The following PPP1R12B variants were observed in gnomAD, a reference collection of about 807,000 sequenced individuals.
The protein encoded by PPP1R12B is myosin phosphatase target subunit 2.
Under a neutral mutation model 126.1 loss-of-function variants are expected in PPP1R12B, and 76 were observed. The ratio of observed to expected loss-of-function variants is 0.60; its 90% CI spans 0.50 to 0.73. The LOEUF is 0.73. Ranked by LOEUF, PPP1R12B falls within the 30% of genes least tolerant of loss-of-function variation. The pLI is 0.00. For missense variants in PPP1R12B, 1,052 were observed against 1,205.1 expected, an observed-to-expected ratio of 0.87 and a Z score of 1.88; for synonymous variants, 356 against 434.7, an observed-to-expected ratio of 0.82 and a Z score of 2.25.
chr1:202,491,450 G>GT (rs893031181), intron 14 of PPP1R12B, among the ~76,000 whole-genome samples: 8 of 151,878 alleles, frequency 5.3e-5, no homozygotes, highest in South Asian at 2.1e-4. Context: ...TGCCCAGCCT[G>GT]TTTTTTTTGG....
At chr1:202,518,665 G>A (rs1285601003) in intron 18 of PPP1R12B, among the ~76,000 whole-genome samples, 1 of 152,210 alleles carries the variant, frequency 6.6e-6, no homozygotes, top group Non-Finnish European at 1.5e-5. Flanking sequence ...TCTGTGATGA[G>A]ACTAAATGTG....
Position 202,356,123 on chromosome 1 carries a change from G to A in PPP1R12B, c.291+6981G>A, listed in dbSNP as rs144075086. Among the ~76,000 whole-genome samples, 580 of 152,284 alleles carry A rather than the reference G, an allele frequency of 3.8e-3. 7 individuals are homozygous for A. Among genetic ancestry groups the A allele is most frequent in the African/African-American group, 0.013 (557 of 41,556 alleles). On this transcript the variant is annotated intron_variant, in intron 1 of 23. Transcript: ENST00000608999. The stretch of plus-strand genomic sequence containing the variant: ...TTGAGCCCAGGAGGTTGAAGCTGCA[G>A]TGAGCTGTGTTCACACCACTGCACT...
intron 19 of PPP1R12B, among the ~76,000 whole-genome samples, chr1:202,559,456 A>G (rs1687298706): frequency 6.6e-6 from 1 of 152,178 alleles, no homozygotes; most frequent in African/African-American, 2.4e-5. Flanking sequence ...CTGTTTTGCA[A>G]TTGCTGAAAA....
intron 1 of PPP1R12B, among the ~76,000 whole-genome samples, chr1:202,377,052 T>C (rs940334881): frequency 2.0e-5 from 3 of 152,202 alleles, no homozygotes; most frequent in African/African-American, 7.2e-5. Context: ...TCTTCCAATG[T>C]GGCCCAAGGA....
intron 1 of PPP1R12B, among the ~76,000 whole-genome samples, chr1:202,366,663 T>C (rs191125828): frequency 1.3e-5 from 2 of 152,264 alleles, no homozygotes; most frequent in African/African-American, 4.8e-5. Flanking sequence ...AATTATGTTT[T>C]ATTTAGGAAC....
intron 1 of PPP1R12B, among the ~76,000 whole-genome samples, chr1:202,394,176 A>G (rs1664560394): frequency 6.6e-6 from 1 of 152,016 alleles, no homozygotes; most frequent in African/African-American, 2.4e-5. Context: ...ATCTCTACTA[A>G]AAATACAAAA....
At position 202,377,832 on chromosome 1, in the gene PPP1R12B, G is replaced by GTTT. The variant is rs74860606; in HGVS notation, c.291+28715_291+28717dup. Among the ~76,000 whole-genome samples, 418 of 97,256 alleles carry GTTT rather than the reference G, an allele frequency of 4.3e-3. 103 individuals carry two copies. The highest frequency in any genetic ancestry group is 0.015 in the African/African-American group (299 of 20,130). The allele number at this position is 97,256 out of a possible 152,430, so 63.8% of individuals were successfully genotyped here. A position where few individuals can be genotyped will look rare whatever the true frequency, so the allele number is the denominator to read the frequency against. ...GGAGAAAGAAAGGTCAAAGACAGGT[G>GTTT]TTTTTTTTTTTTTTTTTTTTTTTTT... is the stretch of plus-strand genomic sequence containing the variant. On this transcript the variant is annotated intron_variant, in intron 1 of 23. Transcript: ENST00000608999.
Position 202,524,740 on chromosome 1 carries a change from A to G in PPP1R12B, c.2490+27918A>G, listed in dbSNP as rs772357915. On this transcript the variant is annotated intron_variant, in intron 18 of 23. Coordinates refer to ENST00000608999, the MANE Select transcript of PPP1R12B (RefSeq NM_002481.4). Reference sequence around the variant, plus strand: ...GTAGTATTCCATGTTGTGTGTATATATATACCACAATTTCTTTATCCACTC... The same window carrying G: ...GTAGTATTCCATGTTGTGTGTATATGTATACCACAATTTCTTTATCCACTC... Among the ~76,000 whole-genome samples, 11 of 152,162 alleles carry G rather than the reference A, an allele frequency of 7.2e-5. 1 individual carries two copies. Among genetic ancestry groups the G allele is most frequent in the Non-Finnish European group, 1.5e-4 (10 of 68,026 alleles).
chr1:202,392,648 A>G (rs903805966), intron 1 of PPP1R12B, among the ~76,000 whole-genome samples: 1 of 151,690 alleles, frequency 6.6e-6, no homozygotes, highest in Non-Finnish European at 1.5e-5. Context: ...CAGACTCCCA[A>G]GTAGCTGGGA....
intron 18 of PPP1R12B, among the ~76,000 whole-genome samples, chr1:202,498,935 C>T (rs1008751868): frequency 6.6e-6 from 1 of 152,122 alleles, no homozygotes; most frequent in African/African-American, 2.4e-5. Flanking sequence ...TTACCTAGTC[C>T]ACTCCTTGAG....
chr1:202,512,673 A>C (rs1293275164), intron 18 of PPP1R12B, among the ~76,000 whole-genome samples: 12 of 152,194 alleles, frequency 7.9e-5, no homozygotes, highest in Non-Finnish European at 1.5e-4. Context: ...AAATTTTTAA[A>C]TAAATAAAGG....
At chr1:202,395,130 A>AG (rs1192791732) in intron 1 of PPP1R12B, among the ~76,000 whole-genome samples, 3 of 151,498 alleles carry the variant, frequency 2.0e-5, no homozygotes, top group Non-Finnish European at 4.4e-5. Context: ...AAAAAAAAAA[A>AG]AAAAGAAAGA....
chr1:202,357,071 C>T (rs1657244088), intron 1 of PPP1R12B, among the ~76,000 whole-genome samples: 1 of 152,176 alleles, frequency 6.6e-6, no homozygotes. Flanking sequence ...ATCCACCCGC[C>T]TTGGCCTCCC....
intron 18 of PPP1R12B, among the ~76,000 whole-genome samples, chr1:202,500,611 A>C (rs2148870665): frequency 6.6e-6 from 1 of 152,312 alleles, no homozygotes; most frequent in Middle Eastern, 3.4e-3. Flanking sequence ...GAGGTTGGTT[A>C]ACAGATATAA....
At chr1:202,390,775 A>G (rs776132540) in intron 1 of PPP1R12B, among the ~76,000 whole-genome samples, 6 of 151,896 alleles carry the variant, frequency 4.0e-5, no homozygotes, top group Non-Finnish European at 7.4e-5. Flanking sequence ...GATTATGGGC[A>G]TGAGCCACCA....
intron 2 of PPP1R12B, among the ~76,000 whole-genome samples, chr1:202,420,821 G>A (rs1668640368): frequency 6.6e-6 from 1 of 152,146 alleles, no homozygotes; most frequent in Non-Finnish European, 1.5e-5. Flanking sequence ...AAGGTGAATT[G>A]TGAAGGCTTT....
chr1:202,416,988 G>T, intron 2 of PPP1R12B, 71 bp downstream of exon 2: 1 of 1,460,228 alleles, frequency 6.8e-7, no homozygotes, highest in South Asian at 1.5e-5. Context: ...TCTATTCTTA[G>T]GAATTTGAAT....
intron 18 of PPP1R12B, among the ~76,000 whole-genome samples, chr1:202,519,281 TTGAGA>T: frequency 6.6e-6 from 1 of 152,288 alleles, no homozygotes; most frequent in East Asian, 1.9e-4. Context: ...TCTTTTTCTT[TTGAGA>T]CGGGGTCTCA....
chr1:202,382,085 AT>A (rs1662376411), intron 1 of PPP1R12B, among the ~76,000 whole-genome samples: 1 of 152,152 alleles, frequency 6.6e-6, no homozygotes, highest in African/African-American at 2.4e-5. Context: ...ATGGAATACT[AT>A]GCAGCCATAA....
Sources: gnomAD v4.1 joint callset for allele counts (sites outside exome capture counted in the v4.1 genomes callset) on GRCh38, gnomAD v4.1.1 for gene constraint, MANE v1.5 for transcripts, NCBI Gene and HGNC (gene_info 2026-07-23, HGNC 2026-07-21) for gene names.